ACBD5: variants seen among roughly 807,000 people sequenced by gnomAD.
The protein encoded by ACBD5 is acyl-CoA-binding domain-containing protein 5.
In ACBD5, 40 loss-of-function variants were observed where a neutral mutation model predicts 71.8. The ratio of observed to expected loss-of-function variants is 0.56; its 90% CI spans 0.43 to 0.72. The LOEUF (loss-of-function observed/expected upper bound fraction) is 0.72, where lower values mean the gene tolerates loss of function less well. Ranked by LOEUF, ACBD5 falls within the 30% of genes least tolerant of loss-of-function variation. The pLI is 0.00. For synonymous variants in ACBD5, 229 were observed against 218.6 expected, an observed-to-expected ratio of 1.05 and a Z score of -0.42; for missense variants, 559 against 644.5, an observed-to-expected ratio of 0.87 and a Z score of 1.44.
At chr10:27,224,827 T>C (rs933219175) in intron 4 of ACBD5, among the ~76,000 whole-genome samples, 24 of 152,170 alleles carry the variant, frequency 1.6e-4, no homozygotes, top group African/African-American at 5.8e-4. Context: ...GGTCAGGAGT[T>C]TGAGACCAGC....
At chr10:27,197,877 C>T (rs2059514389) in intron 12 of ACBD5, among the ~76,000 whole-genome samples, 1 of 152,172 alleles carries the variant, frequency 6.6e-6, no homozygotes, top group African/African-American at 2.4e-5. Context: ...GTGATCTACC[C>T]ACCTCAGCCT....
chr10:27,237,735 C>T (rs977044886), intron 2 of ACBD5, among the ~76,000 whole-genome samples: 21 of 151,092 alleles, frequency 1.4e-4, no homozygotes, highest in Non-Finnish European at 1.5e-5. Context: ...ATTTTCCTGC[C>T]TCAACCTCCC....
intron 13 of ACBD5, chr10:27,186,616 T>C: frequency 8.1e-7 from 1 of 1,228,520 alleles, no homozygotes; most frequent in South Asian, 1.2e-5. Context: ...ACTAGATTGA[T>C]CTAAGGGGGA....
chr10:27,231,628 T>C, intron 4 of ACBD5, 120 bp downstream of exon 4: 2 of 855,912 alleles, frequency 2.3e-6, no homozygotes, highest in Non-Finnish European at 1.9e-6. Context: ...TCCAATAATC[T>C]AGATTCTATT....
At chr10:27,221,281 CA>C (rs2062301925) in intron 5 of ACBD5, among the ~76,000 whole-genome samples, 1 of 152,100 alleles carries the variant, frequency 6.6e-6, no homozygotes, top group Admixed American at 6.5e-5. Context: ...ATTTTTGCAG[CA>C]AAACATATAA....
At chr10:27,205,298 G>A in intron 10 of ACBD5, 50 bp from the exon 11 acceptor site, 1 of 1,548,552 alleles carries the variant, frequency 6.5e-7, no homozygotes, top group Admixed American at 1.7e-5. Flanking sequence ...GAAAAACACA[G>A]TAATTATTCT....
chr10:27,183,426 G>A (rs1244408868), intron 13 of ACBD5, among the ~76,000 whole-genome samples: 1 of 152,100 alleles, frequency 6.6e-6, no homozygotes, highest in East Asian at 1.9e-4. Flanking sequence ...TGGGACTACA[G>A]GCATGTGCCA....
At chr10:27,228,975 C>A (rs563750851) in intron 4 of ACBD5, among the ~76,000 whole-genome samples, 1 of 150,148 alleles carries the variant, frequency 6.7e-6, no homozygotes, top group African/African-American at 2.4e-5. Flanking sequence ...TATGCCACTA[C>A]GCCAGGCTAA....
chr10:27,215,518 GA>G lies in ACBD5; in HGVS notation c.936+16del, dbSNP rs1279158067. ...CACCACTTTGAAAATACACCAATCA[GA>G]AAATGTCATTTTTACCTCTTCTTGT... On this transcript the variant is annotated intron_variant, in intron 8 of 12. Coordinates refer to ENST00000396271, the MANE Select transcript of ACBD5 (RefSeq NM_145698.5). The G allele has an allele frequency of 6.4e-7, 1 of 1,570,868 alleles. No individual in the cohort carries two copies. Among genetic ancestry groups the G allele is most frequent in the Non-Finnish European group, 8.7e-7 (1 of 1,143,144 alleles).
chr10:27,241,101 GTTC>G (rs2065449006), upstream of ACBD5, among the ~76,000 whole-genome samples: 1 of 152,244 alleles, frequency 6.6e-6, no homozygotes, highest in Admixed American at 6.5e-5. Flanking sequence ...GCGCGGTTGG[GTTC>G]TGCACCTGGG....
At position 27,197,173 on chromosome 10, in the gene ACBD5, G is replaced by A. The variant is rs1387811826; in HGVS notation, c.*257C>T. 1 of 577,478 alleles carries A rather than the reference G, an allele frequency of 1.7e-6. No individual in the cohort carries two copies. The highest frequency in any genetic ancestry group is 2.6e-5 in the Admixed American group (1 of 37,758). The allele number at this position is 577,478 out of a possible 1,614,324, so 35.8% of individuals were successfully genotyped here. A position where few individuals can be genotyped will look rare whatever the true frequency, so the allele number is the denominator to read the frequency against. On this transcript the variant is annotated 3_prime_UTR_variant, in exon 13 of 13. Transcript: ENST00000396271. ...ATAATTTAATGTCCTTCAAGTTCAA[G>A]GGCAGGGTAAATCTGTGTATACTAC...
At chr10:27,210,631 G>A (rs1227460954) in intron 9 of ACBD5, among the ~76,000 whole-genome samples, 183 bp downstream of exon 9, 2 of 152,086 alleles carry the variant, frequency 1.3e-5, no homozygotes, top group Non-Finnish European at 2.9e-5. Flanking sequence ...GGTGGTGGGT[G>A]CCTATAATCC....
chr10:27,227,009 A>AGTTTTTT, intron 4 of ACBD5, among the ~76,000 whole-genome samples: 1 of 78,392 alleles, frequency 1.3e-5, no homozygotes, highest in Admixed American at 1.9e-4. Flanking sequence ...TTTTTTTGCG[A>AGTTTTTT]TTTTTTTTTT....
chr10:27,213,214 A>G (rs935426791), intron 8 of ACBD5, among the ~76,000 whole-genome samples: 2 of 152,194 alleles, frequency 1.3e-5, no homozygotes, highest in Non-Finnish European at 2.9e-5. Flanking sequence ...CTGAATAGAC[A>G]TTTCTCAAAA....
intron 8 of ACBD5, among the ~76,000 whole-genome samples, chr10:27,214,781 C>A (rs1196339773): frequency 1.3e-5 from 2 of 152,188 alleles, no homozygotes; most frequent in East Asian, 3.8e-4. Flanking sequence ...CTTGGTGGCT[C>A]ACACCTGTAA....
At chr10:27,209,103 T>TA (rs34168980) in intron 9 of ACBD5, among the ~76,000 whole-genome samples, 17 of 149,466 alleles carry the variant, frequency 1.1e-4, no homozygotes, top group Non-Finnish European at 1.8e-4. Flanking sequence ...TTTTTTTTTT[T>TA]AAATAGAGAT....
intron 2 of ACBD5, among the ~76,000 whole-genome samples, chr10:27,238,653 G>T (rs965034106): frequency 1.3e-4 from 19 of 151,738 alleles, no homozygotes; most frequent in African/African-American, 4.4e-4. Context: ...CACCATAGAA[G>T]GAAAGAAATT....
chr10:27,220,239 T>C (rs1195449588), intron 5 of ACBD5: 1 of 156,942 alleles, frequency 6.4e-6, no homozygotes, highest in African/African-American at 2.4e-5. Context: ...TCATCAATAT[T>C]ACAGTTGGGG....
downstream of ACBD5, among the ~76,000 whole-genome samples, chr10:27,190,262 G>A (rs895356380): frequency 3.3e-5 from 5 of 152,140 alleles, no homozygotes; most frequent in Non-Finnish European, 7.3e-5. Flanking sequence ...TCCAGCCTGG[G>A]TGACAGAATG....
Sources: allele counts gnomAD v4.1 joint callset (sites outside exome capture counted in the v4.1 genomes callset), GRCh38; gene constraint gnomAD v4.1.1; transcripts MANE v1.5; gene names NCBI Gene and HGNC (gene_info 2026-07-23, HGNC 2026-07-21).